RNF38: variants seen among roughly 807,000 people sequenced by gnomAD.
RNF38 encodes the protein ring finger protein 38, also known as E3 ubiquitin-protein ligase RNF38.
A neutral mutation model predicts 67.2 loss-of-function variants in RNF38; 15 were observed. The observed-to-expected ratio is 0.22, with a 90% CI of 0.15 to 0.34. The LOEUF is 0.34. Among genes scored for constraint, RNF38 ranks in the 10% least tolerant of loss-of-function variants. The pLI, the probability that RNF38 is intolerant of heterozygous loss-of-function variation, is 1.00. For synonymous variants in RNF38, 220 were observed against 218.8 expected, an observed-to-expected ratio of 1.01 and a Z score of -0.05; for missense variants, 524 against 639.9, an observed-to-expected ratio of 0.82 and a Z score of 1.95.
rs10972879 is a variant in RNF38 at position 36,386,086 on chromosome 9, G to C, written c.162+4381C>G. 1.2e-3 allele frequency among the ~76,000 whole-genome samples: 187 copies of C among 152,224 alleles called. 2 individuals carry two copies. The East Asian group carries it at 0.028, about 23-fold the overall frequency. On this transcript the variant is annotated intron_variant, in intron 2 of 11. Coordinates refer to ENST00000259605, the MANE Select transcript of RNF38 (RefSeq NM_022781.5). ...TTGGTAAAAATGTGTTGATTGTAAT[G>C]GTTCCCATTTTGAGTAATAAAGATG...
Position 36,353,161 on chromosome 9 carries a change from A to G in RNF38, c.1071+9T>C. On this transcript the variant is annotated intron_variant, in intron 7 of 11. Coordinates refer to ENST00000259605, the MANE Select transcript of RNF38 (RefSeq NM_022781.5). The stretch of plus-strand genomic sequence containing the variant: ...CAAGTAATTAACATAGTACTCTGTG[A>G]AAACTTACTACTCCAAAGGACACCT... 1 of 1,612,420 alleles carries G rather than the reference A, an allele frequency of 6.2e-7. No homozygotes were observed. The highest frequency in any genetic ancestry group is 8.5e-7 in the Non-Finnish European group (1 of 1,178,558).
At chr9:36,442,172 A>G (rs1027465085) in intron 1 of RNF38, among the ~76,000 whole-genome samples, 2 of 152,110 alleles carry the variant, frequency 1.3e-5, no homozygotes, top group African/African-American at 4.8e-5. Context: ...CCGGCTGTCA[A>G]CTTCCTGTTC....
chr9:36,371,799 ATTAGACATTT>A (rs1437394510), intron 3 of RNF38, among the ~76,000 whole-genome samples: 1 of 151,976 alleles, frequency 6.6e-6, no homozygotes, highest in East Asian at 1.9e-4. Context: ...TTCTGGAAAT[ATTAGACATTT>A]AGAACTTATG....
At chr9:36,364,296 C>G (rs1489459065) in intron 4 of RNF38, among the ~76,000 whole-genome samples, 1 of 152,082 alleles carries the variant, frequency 6.6e-6, no homozygotes, top group Non-Finnish European at 1.5e-5. Flanking sequence ...CACACTTTCT[C>G]TAGCTTACAT....
At chr9:36,430,647 T>A (rs1838908936) in intron 1 of RNF38, among the ~76,000 whole-genome samples, 1 of 152,066 alleles carries the variant, frequency 6.6e-6, no homozygotes, top group South Asian at 2.1e-4. Context: ...TTTGATTGAT[T>A]TTCTTGTGTG....
chr9:36,407,319 G>A (rs1889280), intron 2 of RNF38, among the ~76,000 whole-genome samples: 2 of 152,140 alleles, frequency 1.3e-5, no homozygotes, highest in Non-Finnish European at 2.9e-5. Context: ...AGTTAGTCAG[G>A]TGGCTGTTTC....
At chr9:36,350,954 T>C (rs1833647507) in intron 9 of RNF38, among the ~76,000 whole-genome samples, 161 bp downstream of exon 9, 1 of 152,134 alleles carries the variant, frequency 6.6e-6, no homozygotes, top group African/African-American at 2.4e-5. Flanking sequence ...TTGGCTACTA[T>C]TAGTATTAGT....
Position 36,453,522 on chromosome 9 carries a change from A to G in RNF38, n.242-28839T>C, listed in dbSNP as rs1839510644. Among the ~76,000 whole-genome samples the G allele has an allele frequency of 2.0e-5, 3 of 151,812 alleles. No homozygotes were observed. In the South Asian group the frequency reaches 6.2e-4, roughly 31 times the overall value. On this transcript the variant is annotated intron_variant and non_coding_transcript_variant, in intron 1 of 3. Coordinates refer to the RNF38 transcript ENST00000488058. ...CTCAGCCTCCCAAGTAGCTGGGATT[A>G]CAGGCGCACGCTGCCACGACTGGCT...
chr9:36,370,136 T>C (rs1395434088), intron 3 of RNF38, among the ~76,000 whole-genome samples: 1 of 152,226 alleles, frequency 6.6e-6, no homozygotes, highest in East Asian at 1.9e-4. Flanking sequence ...CAAACAGTAT[T>C]GGTATTCATC....
At chr9:36,389,980 C>T (rs999681059) in intron 2 of RNF38, among the ~76,000 whole-genome samples, 1 of 152,090 alleles carries the variant, frequency 6.6e-6, no homozygotes, top group East Asian at 1.9e-4. Context: ...ACCTTACTTT[C>T]GAGTTTTCAT....
At chr9:36,477,474 G>C (rs1438463294) in intron 1 of RNF38, among the ~76,000 whole-genome samples, 1 of 151,946 alleles carries the variant, frequency 6.6e-6, no homozygotes, top group Non-Finnish European at 1.5e-5. Context: ...CCAGGAGTTC[G>C]AGACCAGCCT....
chr9:36,433,179 C>CAA (rs540087872), intron 1 of RNF38, among the ~76,000 whole-genome samples: 1 of 96,638 alleles, frequency 1.0e-5, no homozygotes, highest in Admixed American at 1.1e-4. Flanking sequence ...TTAATGGGTA[C>CAA]AAAAAAAAAA....
intron 2 of RNF38, among the ~76,000 whole-genome samples, chr9:36,414,416 G>GCT (rs1838406928): frequency 6.6e-6 from 1 of 152,246 alleles, no homozygotes; most frequent in Admixed American, 6.5e-5. Context: ...TTAGAACTGG[G>GCT]CTCACGCCTG....
chr9:36,478,030 G>C (rs893769124), intron 1 of RNF38, among the ~76,000 whole-genome samples: 4 of 84,040 alleles, frequency 4.8e-5, no homozygotes, highest in Non-Finnish European at 1.1e-4. Flanking sequence ...GAAAACAGCA[G>C]TTTGAGATAC....
chr9:36,356,785 ACT>A (rs1222907298), intron 5 of RNF38, among the ~76,000 whole-genome samples: 2 of 150,976 alleles, frequency 1.3e-5, no homozygotes, highest in Non-Finnish European at 3.0e-5. Context: ...AGAAGAGGAA[ACT>A]CTCTCTAGTT....
intron 3 of RNF38, among the ~76,000 whole-genome samples, chr9:36,373,589 CT>C (rs71494622): frequency 0.53 from 70,362 of 131,700 alleles, 18,422 homozygotes; most frequent in African/African-American, 0.58. Flanking sequence ...TTTGTTAGCC[CT>C]TTTTTTTTTT....
At chr9:36,398,588 GA>G (rs1564042511) in intron 1 of RNF38, among the ~76,000 whole-genome samples, 4 of 152,096 alleles carry the variant, frequency 2.6e-5, no homozygotes, top group African/African-American at 9.7e-5. Flanking sequence ...GTTTGCTGAT[GA>G]ACTAGACAAG....
intron 1 of RNF38, among the ~76,000 whole-genome samples, chr9:36,453,704 T>G (rs1318671981): frequency 6.6e-6 from 1 of 152,060 alleles, no homozygotes; most frequent in Non-Finnish European, 1.5e-5. Flanking sequence ...TTTAAAAAAT[T>G]TTTTGTAAAG....
At chr9:36,399,320 G>A (rs577411950) in intron 1 of RNF38, among the ~76,000 whole-genome samples, 31 of 152,024 alleles carry the variant, frequency 2.0e-4, no homozygotes, top group African/African-American at 7.2e-4. Flanking sequence ...GAGAGCCTGA[G>A]GCCCACATGA....
Sources: gnomAD v4.1 joint callset for allele counts (sites outside exome capture counted in the v4.1 genomes callset) on GRCh38, gnomAD v4.1.1 for gene constraint, MANE v1.5 for transcripts, NCBI Gene and HGNC (gene_info 2026-07-23, HGNC 2026-07-21) for gene names.